MLC1: variants seen among roughly 807,000 people sequenced by gnomAD.
MLC1 encodes the protein membrane protein MLC1.
MLC1 carries 32 observed loss-of-function variants against 44.7 expected under a neutral mutation model. The observed-to-expected ratio is 0.72, with a 90% CI of 0.54 to 0.96. The LOEUF is 0.96. Ranked by LOEUF, MLC1 falls within the 40% of genes least tolerant of loss-of-function variation. The probability of loss-of-function intolerance (pLI) is 0.00; values close to 1 mark genes in which losing one functional copy is unlikely to be tolerated. For missense variants in MLC1, 459 were observed against 492.2 expected, an observed-to-expected ratio of 0.93 and a Z score of 0.64; for synonymous variants, 190 against 213.0, an observed-to-expected ratio of 0.89 and a Z score of 0.94.
At chr22:50,073,336 G>T (rs1224947430) in intron 8 of MLC1, among the ~76,000 whole-genome samples, 1 of 152,236 alleles carries the variant, frequency 6.6e-6, no homozygotes, top group Non-Finnish European at 1.5e-5. Context: ...AGGCCACTAC[G>T]CGGCAAGGTG....
Position 50,083,042 on chromosome 22 carries a change from G to A in MLC1, c.267+42C>T, listed in dbSNP as rs752358196. On this transcript the variant is annotated intron_variant, in intron 3 of 11. Transcript: ENST00000311597. This position sits in a 1 kb window ranked among gnomAD's most constrained non-coding sequence, Gnocchi z 4.6. ...AACAAAGAAACCAGAGCACGTGCCG[G>A]CGAGCTTGGGCACTGGCAGAGGCGT... 19 of 1,579,290 alleles carry A rather than the reference G, an allele frequency of 1.2e-5. No homozygotes were observed. Among genetic ancestry groups the A allele is most frequent in the Admixed American group, 1.2e-4 (7 of 59,944 alleles).
chr22:50,071,488 C>T (rs2294391), intron 8 of MLC1, among the ~76,000 whole-genome samples: 21,598 of 152,128 alleles, frequency 0.14, 1,685 homozygotes, highest in Admixed American at 0.21. Flanking sequence ...CCCTGTTAAT[C>T]GGGGAGTCCC....
At chr22:50,075,020 G>T (rs199697346) in intron 7 of MLC1, among the ~76,000 whole-genome samples, 2 of 152,196 alleles carry the variant, frequency 1.3e-5, no homozygotes, top group African/African-American at 4.8e-5. Flanking sequence ...CCTCCAGCTC[G>T]CCCTTGAATT....
At chr22:50,074,607 C>G in intron 7 of MLC1, 1 of 458,934 alleles carries the variant, frequency 2.2e-6, no homozygotes, top group Non-Finnish European at 4.1e-6. Context: ...AGGGTATTGA[C>G]CTGACAGTGG....
intron 8 of MLC1, 150 bp from the exon 9 acceptor site, chr22:50,070,733 G>A (rs935975746): frequency 2.4e-4 from 194 of 802,088 alleles, no homozygotes; most frequent in Middle Eastern, 7.1e-4. Context: ...GCCCAAAGGC[G>A]CAGCTGGGGC....
intron 8 of MLC1, among the ~76,000 whole-genome samples, 166 bp from the exon 9 acceptor site, chr22:50,070,749 C>T (rs557585719): frequency 7.9e-5 from 12 of 152,170 alleles, no homozygotes; most frequent in Non-Finnish European, 1.3e-4. Context: ...GGGGCAGGGA[C>T]GGGTCCGCAG....
At chr22:50,067,971 CAAA>C (rs1364880546) in intron 10 of MLC1, among the ~76,000 whole-genome samples, 1 of 118,394 alleles carries the variant, frequency 8.4e-6, no homozygotes, top group African/African-American at 2.8e-5. Flanking sequence ...AACAAAAAAA[CAAA>C]AAAACACTAG....
intron 9 of MLC1, among the ~76,000 whole-genome samples, chr22:50,069,717 A>G (rs2061803118): frequency 6.6e-6 from 1 of 152,148 alleles, no homozygotes; most frequent in Non-Finnish European, 1.5e-5. Flanking sequence ...GCCCTTCCGC[A>G]TGGGTCACCT....
At position 50,083,190 on chromosome 22, in the gene MLC1, G is replaced by A. The variant is rs765759565; in HGVS notation, c.178-17C>T. 6.2e-7 allele frequency: 1 copy of A among 1,610,788 alleles called. No individual in the cohort carries two copies. Among genetic ancestry groups the A allele is most frequent in the South Asian group, 1.1e-5 (1 of 91,012 alleles). On this transcript the variant is annotated splice_polypyrimidine_tract_variant and intron_variant, in intron 2 of 11. Transcript: ENST00000311597. This position sits in a 1 kb window ranked among gnomAD's most constrained non-coding sequence, Gnocchi z 4.6. Reference sequence around the variant, plus strand: ...GAGGCAGCTCTGCAAGACAGCGACAGAATCCCAGGTTACAACGCGCCCCGT... The same window carrying A: ...GAGGCAGCTCTGCAAGACAGCGACAAAATCCCAGGTTACAACGCGCCCCGT...
At chr22:50,078,224 CAG>C (rs2062031025) in intron 5 of MLC1, among the ~76,000 whole-genome samples, 1 of 151,732 alleles carries the variant, frequency 6.6e-6, no homozygotes, top group African/African-American at 2.4e-5. Flanking sequence ...CTCCTGACCT[CAG>C]GTGTTCCGCC....
intron 8 of MLC1, among the ~76,000 whole-genome samples, chr22:50,071,312 G>A (rs2061845948): frequency 6.6e-6 from 1 of 152,174 alleles, no homozygotes; most frequent in East Asian, 1.9e-4. Flanking sequence ...GGCTGGTCTC[G>A]AACTCCTGAC....
chr22:50,073,275 A>G (rs73893126), intron 8 of MLC1, among the ~76,000 whole-genome samples: 10,054 of 152,310 alleles, frequency 0.066, 1,128 homozygotes, highest in African/African-American at 0.23. Context: ...AAAATCTAAA[A>G]GTCCACACAG....
intron 2 of MLC1, among the ~76,000 whole-genome samples, chr22:50,084,265 G>C (rs1366141284): frequency 6.6e-6 from 1 of 152,108 alleles, no homozygotes; most frequent in African/African-American, 2.4e-5. Context: ...GTCCACCCCA[G>C]ACCTGTTCCT....
chr22:50,067,496 C>CCA (rs1435999965), intron 10 of MLC1, among the ~76,000 whole-genome samples: 16 of 77,908 alleles, frequency 2.1e-4, no homozygotes, highest in South Asian at 6.5e-4. Flanking sequence ...GTGACTCTAT[C>CCA]CCCTGTCAGG....
chr22:50,068,379 C>G (rs2061763892), intron 10 of MLC1, 54 bp downstream of exon 10: 2 of 1,603,804 alleles, frequency 1.2e-6, no homozygotes, highest in Non-Finnish European at 8.5e-7. Flanking sequence ...AAGGGCCAGG[C>G]CAACACGCAG....
At chr22:50,062,334 C>A (rs530112360) in intron 11 of MLC1, among the ~76,000 whole-genome samples, 1 of 152,242 alleles carries the variant, frequency 6.6e-6, no homozygotes, top group East Asian at 1.9e-4. Flanking sequence ...GCCGCCCACC[C>A]TGAGCCCCTG....
chr22:50,063,495 AG>A (rs2061616812), intron 11 of MLC1, among the ~76,000 whole-genome samples: 2 of 150,768 alleles, frequency 1.3e-5, no homozygotes, highest in East Asian at 2.0e-4. Flanking sequence ...AAAAAAGAAA[AG>A]AAAGACATTT....
intron 11 of MLC1, 113 bp from the exon 12 acceptor site, chr22:50,061,770 G>C (rs2061563918): frequency 1.0e-6 from 1 of 955,528 alleles, no homozygotes; most frequent in Non-Finnish European, 1.6e-6. Context: ...AGTTTTCTTC[G>C]AATGTGAAGG....
chr22:50,062,648 G>T (rs2061596938), intron 11 of MLC1, among the ~76,000 whole-genome samples: 1 of 152,258 alleles, frequency 6.6e-6, no homozygotes, highest in South Asian at 2.1e-4. Context: ...GAGGCCGGTG[G>T]TGTGCTGAAC....
Sources: allele counts gnomAD v4.1 joint callset (sites outside exome capture counted in the v4.1 genomes callset), GRCh38; gene constraint gnomAD v4.1.1; non-coding constraint Gnocchi (gnomAD v3.1); transcripts MANE v1.5; gene names NCBI Gene and HGNC (gene_info 2026-07-23, HGNC 2026-07-21).